CCDC17: variants seen among roughly 807,000 people sequenced by gnomAD.
The protein encoded by CCDC17 is coiled-coil domain-containing protein 17.
In CCDC17, 79 loss-of-function variants were observed where a neutral mutation model predicts 68.0. The observed-to-expected ratio is 1.16, with a 90% CI of 0.97 to 1.40. CCDC17 has a LOEUF of 1.40. CCDC17 is among the 40% of genes most tolerant of loss of function. The pLI is 0.00. For missense variants in CCDC17, 846 were observed against 811.5 expected (o/e 1.04, Z -0.52); for synonymous variants, 376 against 337.5 (o/e 1.11, Z -1.25).
At position 45,621,931 on chromosome 1, in the gene CCDC17, T is replaced by TG; in HGVS notation, c.1031dup (p.Leu345ThrfsTer49). The TG allele has an allele frequency of 1.2e-6, 2 of 1,605,680 alleles. No homozygotes were observed. The highest frequency in any genetic ancestry group is 1.7e-6 in the Non-Finnish European group (2 of 1,177,738). The stretch of plus-strand genomic sequence containing the variant: ...GTGGTGCCACCGGTGGCGGGAGGAG[T>TG]GGGGGATCTCTCCTCCCCTTCGGTT... On this transcript the variant is annotated frameshift_variant, in exon 8 of 13. Transcript: ENST00000528266. LOFTEE classifies it high-confidence loss of function.
Position 45,623,912 on chromosome 1 carries a change from G to A in CCDC17, c.-3C>T, listed in dbSNP as rs1644371672. 6.7e-7 allele frequency: 1 copy of A among 1,498,914 alleles called. No individual in the cohort carries two copies. Among genetic ancestry groups the A allele is most frequent in the Non-Finnish European group, 8.9e-7 (1 of 1,124,190 alleles). The allele number at this position is 1,498,914 out of a possible 1,614,324, so 92.9% of individuals were successfully genotyped here. A position where few individuals can be genotyped will look rare whatever the true frequency, so the allele number is the denominator to read the frequency against. On this transcript the variant is annotated 5_prime_UTR_variant, in exon 1 of 13. Coordinates refer to ENST00000528266, the MANE Select transcript of CCDC17 (RefSeq NM_001114938.3). Reference sequence around the variant, plus strand: ...GGCTCCCCAGAGTGGGAGTCCATGGGATGGGACCCGTTTCCTGAAACCAGC... The same window carrying A: ...GGCTCCCCAGAGTGGGAGTCCATGGAATGGGACCCGTTTCCTGAAACCAGC...
At position 45,621,671 on chromosome 1, in the gene CCDC17, G is replaced by A. The variant is rs772421315; in HGVS notation, c.1151C>T (p.Ser384Leu). ...ATAGGGTGCAGGGCCCAGCATGTCC[G>A]ATGTGGGCAGGAGGAAGTGTGAGTC... ...GLDSHFLLPT[S>L]DMLGPAPYDP... The change falls in exon 9 of 13, where the codon TCG becomes TTG. Residue 384 changes from serine to leucine, a missense_variant. Ser to Leu is a moderately radical substitution (Grantham distance 145). Coordinates refer to ENST00000528266, the MANE Select transcript of CCDC17 (RefSeq NM_001114938.3). 3.1e-6 allele frequency: 5 copies of A among 1,613,806 alleles called. No homozygotes were observed. The highest frequency in any genetic ancestry group is 1.6e-4 in the Middle Eastern group (1 of 6,084).
Position 45,623,874 on chromosome 1 carries a change from G to A in CCDC17, c.36C>T (p.Pro12=), listed in dbSNP as rs1255764071. 1 of 1,542,640 alleles carries A rather than the reference G, an allele frequency of 6.5e-7. No homozygotes were observed. The highest frequency in any genetic ancestry group is 1.4e-5 in the African/African-American group (1 of 72,666). The part of the protein sequence containing the change: ...DSHSGEPALL[P]CGTCDMVFRS... ...GGAAAACCATGTCACAGGTCCCACA[G>A]GGCAGGAGCGCAGGCTCCCCAGAGT... Residue 12 remains proline (P), a synonymous_variant, in exon 1 of 13, where the codon CCC becomes CCT. Transcript: ENST00000528266.
rs542096961 is a variant in CCDC17 at position 45,622,558 on chromosome 1, T to C, written c.850A>G (p.Thr284Ala). 2.7e-4 allele frequency: 419 copies of C among 1,551,878 alleles called. 4 individuals carry two copies. The East Asian group carries it at 0.01, about 38-fold the overall frequency. Residue 284 changes from threonine to alanine, a missense_variant, in exon 6 of 13, where the codon ACC becomes GCC. Coordinates refer to ENST00000528266, the MANE Select transcript of CCDC17 (RefSeq NM_001114938.3). ...ASALELQRSQ[T>A]RRGRAGATSG... ...AGGCCCTCCTGTTCACCTCTGCGGG[T>C]CTGCGACCGCTGCAGCTCCAGTGCA...
At position 45,622,372 on chromosome 1, in the gene CCDC17, T is replaced by C. The variant is rs754941867; in HGVS notation, c.860-24A>G. On this transcript the variant is annotated intron_variant, in intron 6 of 12. Coordinates refer to ENST00000528266, the MANE Select transcript of CCDC17 (RefSeq NM_001114938.3). ...TCCTGCGATGAACAAGTGTGACCTG[T>C]CACCTTTGACCTCTGGTGACTGGCC... 6.9e-6 allele frequency: 11 copies of C among 1,593,142 alleles called. No individual in the cohort carries two copies. In the Admixed American group the frequency reaches 1.3e-4, roughly 19 times the overall value.
At chr1:45,622,184 G>A (rs201208437) in intron 7 of CCDC17, 57 bp downstream of exon 7, 156 of 1,509,284 alleles carry the variant, frequency 1.0e-4, no homozygotes, top group Non-Finnish European at 1.4e-4. Flanking sequence ...GTCTGCCTGA[G>A]CCAGGCCTGC....
At position 45,623,120 on chromosome 1, in the gene CCDC17, GAGGGAATGCGGGCCGAGTCAGA is replaced by G; in HGVS notation, c.494-25_494-4del. On this transcript the variant is annotated splice_polypyrimidine_tract_variant and splice_region_variant and intron_variant, in intron 3 of 12. Transcript: ENST00000528266. ...AACTTGGAGGCGTCGGCTCAGTTCTGAGGGAATGCGGGCCGAGTCAGAACCGGCCCGAGCAAGCTTAAGCCAA... is the reference window on the plus strand; with the variant it reads ...AACTTGGAGGCGTCGGCTCAGTTCTGACCGGCCCGAGCAAGCTTAAGCCAA... The G allele has an allele frequency of 6.4e-7, 1 of 1,554,880 alleles. No individual in the cohort carries two copies. The highest frequency in any genetic ancestry group is 8.7e-7 in the Non-Finnish European group (1 of 1,148,852).
At position 45,622,253 on chromosome 1, in the gene CCDC17, G is replaced by A. The variant is rs762460789; in HGVS notation, c.955C>T (p.Arg319Trp). ...EILALQMQRG[R>W]APLGPQDLRL... ...GGTGCTCACTGACCCAAGGGTGCCC[G>A]ACCCCTCTGCATTTGCAAGGCCAAG... The change falls in exon 7 of 13, where the codon CGG (arginine) becomes TGG (tryptophan). Residue 319 changes from arginine (R) to tryptophan (W), a missense_variant. Coordinates refer to ENST00000528266, the MANE Select transcript of CCDC17 (RefSeq NM_001114938.3). The A allele has an allele frequency of 4.4e-5, 71 of 1,612,550 alleles. No homozygotes were observed. Among genetic ancestry groups the A allele is most frequent in the Admixed American group, 2.3e-4 (14 of 59,700 alleles).
Position 45,623,792 on chromosome 1 carries a change from G to A in CCDC17, c.118C>T (p.Gln40Ter), listed in dbSNP as rs539737957. Residue 40 changes from glutamine to a stop codon, truncating the protein, a stop_gained, in exon 1 of 13, where the codon CAA becomes TAA. Coordinates refer to ENST00000528266, the MANE Select transcript of CCDC17 (RefSeq NM_001114938.3). LOFTEE classifies it high-confidence loss of function. ...TQRFCIGHPT[Q>*]EMTFGAQASV... Reference sequence around the variant, plus strand: ...GCCTGTGCTCCAAATGTCATCTCTTGGGTCGGGTGGCCAATGCAGAAGCGC... The same window carrying A: ...GCCTGTGCTCCAAATGTCATCTCTTAGGTCGGGTGGCCAATGCAGAAGCGC... 2 of 1,551,588 alleles carry A rather than the reference G, an allele frequency of 1.3e-6. No individual in the cohort carries two copies. Among genetic ancestry groups the A allele is most frequent in the East Asian group, 4.9e-5 (2 of 40,922 alleles).
Position 45,624,037 on chromosome 1 carries a change from G to GT in CCDC17, c.-129dup, listed in dbSNP as rs955329821. 103 of 673,160 alleles carry GT rather than the reference G, an allele frequency of 1.5e-4. No individual in the cohort carries two copies. The highest frequency in any genetic ancestry group is 2.3e-4 in the Non-Finnish European group (95 of 405,056). The allele number at this position is 673,160 out of a possible 1,614,324, so 41.7% of individuals were successfully genotyped here. A position where few individuals can be genotyped will look rare whatever the true frequency, so the allele number is the denominator to read the frequency against. On this transcript the variant is annotated 5_prime_UTR_variant, in exon 1 of 13. Transcript: ENST00000528266. ...AGGAAAGGCCGTGTCTATTAGGTCT[G>GT]TGAGATCTTCAAGTTTGTTTGGGGA... is the stretch of plus-strand genomic sequence containing the variant.
In CCDC17 at chr1:45,623,232, G is replaced by A. The variant is rs113735674; in HGVS notation, c.478C>T (p.Gln160Ter). ...AEMEAQSRAL[Q>*]LRGEELSRRL... ...TCTCCTTCACCCTCGCCGCGTAGCT[G>A]CAGGGCCCGGCTCTGCGCTTCCATC... Residue 160 changes from glutamine (Q) to a stop codon, truncating the protein, a stop_gained, in exon 3 of 13, where the codon CAG (glutamine) becomes TAG (stop). Transcript: ENST00000528266. LOFTEE classifies it high-confidence loss of function. The A allele has an allele frequency of 1.3e-6, 2 of 1,544,180 alleles. No individual in the cohort carries two copies.
chr1:45,622,985 GC>G lies in CCDC17; in HGVS notation c.625del (p.Ala209ProfsTer14). 1.2e-6 allele frequency: 2 copies of G among 1,605,716 alleles called. No individual in the cohort carries two copies. The highest frequency in any genetic ancestry group is 2.2e-5 in the East Asian group (1 of 44,734). ...CTCCGCCTGCAGCTCCTGAATGCGGGCCCCCAACACCTCTAGAGCTCCCCGC... is the reference window on the plus strand; with the variant it reads ...CTCCGCCTGCAGCTCCTGAATGCGGGCCCCAACACCTCTAGAGCTCCCCGC... Reference protein sequence around the residue: ...RTRGALEVLGARIQELQAEPG... With the variant: ...RTRGALEVLGXRIQELQAEPG... On this transcript the variant is annotated frameshift_variant, in exon 4 of 13. Transcript: ENST00000528266. LOFTEE classifies it high-confidence loss of function.
Position 45,622,854 on chromosome 1 carries a change from G to T in CCDC17, c.657-20C>A. The T allele has an allele frequency of 2.5e-6, 4 of 1,584,010 alleles. No homozygotes were observed. The highest frequency in any genetic ancestry group is 3.4e-6 in the Non-Finnish European group (4 of 1,165,026). ...GGGTTCCTGGGGTGGCAGGCGACGCGCAGGGAGACGGTAACGCATCAGAGG... is the reference window on the plus strand; with the variant it reads ...GGGTTCCTGGGGTGGCAGGCGACGCTCAGGGAGACGGTAACGCATCAGAGG... On this transcript the variant is annotated intron_variant, in intron 4 of 12. Transcript: ENST00000528266.
chr1:45,622,809 CCTCTCGCCGGG>C lies in CCDC17; in HGVS notation c.671_681del (p.Ser224CysfsTer75). On this transcript the variant is annotated frameshift_variant, in exon 5 of 13. Coordinates refer to ENST00000528266, the MANE Select transcript of CCDC17 (RefSeq NM_001114938.3). LOFTEE classifies it high-confidence loss of function. ...TTTTGCACTGGAGAATAAAGTTCTGCCTCTCGCCGGGAGCTCAGCGGGTTCCTGGGGTGGCA... is the reference window on the plus strand; with the variant it reads ...TTTTGCACTGGAGAATAAAGTTCTGCAGCTCAGCGGGTTCCTGGGGTGGCA... 3.7e-6 allele frequency: 6 copies of C among 1,600,962 alleles called. No individual in the cohort carries two copies. Among genetic ancestry groups the C allele is most frequent in the Non-Finnish European group, 5.1e-6 (6 of 1,173,938 alleles).
chr1:45,623,040 G>C lies in CCDC17; in HGVS notation c.571C>G (p.Arg191Gly), dbSNP rs942051045. ...CTCCCGGCCTCAGCTTGTAGTTCTC[G>C]AATCTCCTGCTCCAGGCCGAAGAGG... ...SRLFGLEQEI[R>G]ELQAEAGRTR... The change falls in exon 4 of 13, where the codon CGA (arginine) becomes GGA (glycine). Residue 191 changes from arginine (R) to glycine (G), a missense_variant. By Grantham distance (125) the Arg-to-Gly change is moderately radical. Transcript: ENST00000528266. The C allele has an allele frequency of 3.7e-6, 6 of 1,612,308 alleles. No homozygotes were observed. Among genetic ancestry groups the C allele is most frequent in the East Asian group, 2.2e-5 (1 of 44,828 alleles).
In CCDC17 at chr1:45,623,290, C is replaced by CG; in HGVS notation, c.419dup (p.Leu141AlafsTer56). The CG allele has an allele frequency of 1.3e-6, 2 of 1,548,438 alleles. No homozygotes were observed. The highest frequency in any genetic ancestry group is 1.7e-6 in the Non-Finnish European group (2 of 1,146,786). On this transcript the variant is annotated frameshift_variant, in exon 3 of 13. Transcript: ENST00000528266. LOFTEE classifies it high-confidence loss of function. ...CGCGCCTCGCGCGAGTCCTGAACAGCGCCCGCAGCCGCTCGCTGGGGCTTC... is the reference window on the plus strand; with the variant it reads ...CGCGCCTCGCGCGAGTCCTGAACAGCGGCCCGCAGCCGCTCGCTGGGGCTTC...
chr1:45,623,226 G>A lies in CCDC17; in HGVS notation c.484C>T (p.Arg162Cys), dbSNP rs1644339102. ...MEAQSRALQLRGEELSRRLQV... is the reference protein window; with the variant it reads ...MEAQSRALQLCGEELSRRLQV... ...CCCCCATCTCCTTCACCCTCGCCGC[G>A]TAGCTGCAGGGCCCGGCTCTGCGCT... Residue 162 changes from arginine to cysteine, a missense_variant, in exon 3 of 13, where the codon CGC (arginine) becomes TGC (cysteine). Physicochemically the swap from Arg to Cys is radical, Grantham distance 180 (BLOSUM62 -3). Coordinates refer to ENST00000528266, the MANE Select transcript of CCDC17 (RefSeq NM_001114938.3). The A allele has an allele frequency of 6.5e-7, 1 of 1,543,970 alleles. No homozygotes were observed.
intron 6 of CCDC17, 61 bp from the exon 7 acceptor site, chr1:45,622,409 T>TG (rs1332159557): frequency 1.3e-6 from 2 of 1,520,182 alleles, no homozygotes; most frequent in African/African-American, 2.8e-5. Context: ...CGTCCGGCTG[T>TG]GAGCAGCTCT....
Position 45,621,527 on chromosome 1 carries a change from C to G in CCDC17, c.1185-43G>C, listed in dbSNP as rs377011897. 8.3e-6 allele frequency: 13 copies of G among 1,571,880 alleles called. No homozygotes were observed. The African/African-American group carries it at 1.2e-4, about 15-fold the overall frequency. ...TAGCACAGAAATACCCAACTCCTTT[C>G]AACCTCCCTCCTCTCAGGCAGGTCC... On this transcript the variant is annotated intron_variant, in intron 9 of 12. Transcript: ENST00000528266.
Sources: allele counts gnomAD v4.1 joint callset, GRCh38; gene constraint gnomAD v4.1.1; transcripts MANE v1.5; gene names NCBI Gene and HGNC (gene_info 2026-07-23, HGNC 2026-07-21).